The following AADAC variants were observed in gnomAD, a reference collection of about 807,000 sequenced individuals.
AADAC encodes arylacetamide deacetylase.
A neutral mutation model predicts 22.7 loss-of-function variants in AADAC; 17 were observed. That is an observed-to-expected ratio of 0.75 (90% confidence interval 0.51 to 1.12). The LOEUF is 1.12. Ranked by LOEUF, AADAC falls within the 50% of genes most tolerant of loss-of-function variation. The pLI is 0.00. For missense variants in AADAC, 465 were observed against 473.9 expected, an observed-to-expected ratio of 0.98 and a Z score of 0.17; for synonymous variants, 167 against 176.3, an observed-to-expected ratio of 0.95 and a Z score of 0.42.
Position 151,828,425 on chromosome 3 carries a change from A to T in AADAC, c.*253A>T, listed in dbSNP as rs1716600194. ...TTTAAAAAATATTACATTCTTGTATACTTTATTTTTGTGAGTTGGCTACTA... is the reference window on the plus strand; with the variant it reads ...TTTAAAAAATATTACATTCTTGTATTCTTTATTTTTGTGAGTTGGCTACTA... On this transcript the variant is annotated 3_prime_UTR_variant, in exon 5 of 5. Coordinates refer to ENST00000232892, the MANE Select transcript of AADAC (RefSeq NM_001086.3). 1 of 221,074 alleles carries T rather than the reference A, an allele frequency of 4.5e-6. No individual in the cohort carries two copies. Among genetic ancestry groups the T allele is most frequent in the Non-Finnish European group, 8.8e-6 (1 of 113,702 alleles). The allele number at this position is 221,074 out of a possible 1,614,324, so 13.7% of individuals were successfully genotyped here.
chr3:151,826,494 GT>G, intron 4 of AADAC, among the ~76,000 whole-genome samples: 1 of 151,974 alleles, frequency 6.6e-6, no homozygotes. Context: ...GATAATTATA[GT>G]TAAAATGTGG....
Position 151,827,852 on chromosome 3 carries a change from G to A in AADAC, c.880G>A (p.Gly294Arg), listed in dbSNP as rs752890596. 1.2e-6 allele frequency: 2 copies of A among 1,613,086 alleles called. No individual in the cohort carries two copies. The highest frequency in any genetic ancestry group is 1.7e-6 in the Non-Finnish European group (2 of 1,179,568). ...CCTGCTCCCTGAGAGGTTTATAAAAGGACATGTTTATAACAATCCAAATTA... is the reference window on the plus strand; with the variant it reads ...CCTGCTCCCTGAGAGGTTTATAAAAAGACATGTTTATAACAATCCAAATTA... ...SSLLPERFIK[G>R]HVYNNPNYGS... is the part of the protein sequence containing the mutation. Residue 294 changes from glycine (G) to arginine (R), a missense_variant, in exon 5 of 5, where the codon GGA (glycine) becomes AGA (arginine). Coordinates refer to ENST00000232892, the MANE Select transcript of AADAC (RefSeq NM_001086.3).
intron 3 of AADAC, 39 bp downstream of exon 3, chr3:151,820,491 G>T: frequency 3.4e-6 from 4 of 1,193,192 alleles, no homozygotes; most frequent in South Asian, 1.6e-5. Context: ...CCAGATGTCT[G>T]ACATGCCAAG....
intron 2 of AADAC, among the ~76,000 whole-genome samples, chr3:151,819,203 T>A (rs1377487532): frequency 6.6e-6 from 1 of 151,614 alleles, no homozygotes; most frequent in East Asian, 1.9e-4. Context: ...AATTGTTGGG[T>A]GAAGGAATAA....
chr3:151,827,468 AATAGATAGATAGATAAAAACAAG>A (rs1325957017), intron 4 of AADAC, 85 bp from the exon 5 acceptor site: 6 of 696,888 alleles, frequency 8.6e-6, no homozygotes, highest in Non-Finnish European at 1.2e-5. Context: ...TGAGATCATG[AATAGATAGATAGATAAAAACAAG>A]ATAGATAGAC....
chr3:151,820,696 T>TTTTTTTTTTTAGA (rs1448106031), intron 3 of AADAC, among the ~76,000 whole-genome samples: 2 of 91,038 alleles, frequency 2.2e-5, no homozygotes, highest in African/African-American at 3.9e-5. Context: ...TTTTTTATTT[T>TTTTTTTTTTTAGA]CGGTAGAGAT....
intron 3 of AADAC, among the ~76,000 whole-genome samples, chr3:151,823,281 G>C (rs7431347): frequency 0.16 from 24,455 of 148,436 alleles, 2,238 homozygotes; most frequent in African/African-American, 0.21. Flanking sequence ...CTGTCTCCCC[G>C]CAAAAAAAAA....
At position 151,817,502 on chromosome 3, in the gene AADAC, G is replaced by A. The variant is rs763916912; in HGVS notation, c.275G>A (p.Arg92Gln). The stretch of plus-strand genomic sequence containing the variant: ...ACAAAATTCAACAACATTCTTGTTC[G>A]GGTATATGTGCCAAAGAGAAAGTCT... Reference protein sequence around the residue: ...TETKFNNILVRVYVPKRKSEA... With the variant: ...TETKFNNILVQVYVPKRKSEA... Residue 92 changes from arginine to glutamine, a missense_variant, in exon 2 of 5, where the codon CGG becomes CAG. Arg to Gln is a conservative substitution (Grantham distance 43). Coordinates refer to ENST00000232892, the MANE Select transcript of AADAC (RefSeq NM_001086.3). 9.3e-6 allele frequency: 15 copies of A among 1,613,660 alleles called. No individual in the cohort carries two copies. Among genetic ancestry groups the A allele is most frequent in the Admixed American group, 5.0e-5 (3 of 59,980 alleles).
chr3:151,822,240 CA>C (rs1185526002), intron 3 of AADAC, among the ~76,000 whole-genome samples: 1 of 151,938 alleles, frequency 6.6e-6, no homozygotes, highest in African/African-American at 2.4e-5. Flanking sequence ...TGGGAATAAA[CA>C]CTTCGGCAGC....
chr3:151,826,053 A>G (rs184721515), intron 4 of AADAC, among the ~76,000 whole-genome samples: 278 of 152,048 alleles, frequency 1.8e-3, no homozygotes, highest in African/African-American at 5.9e-3. Context: ...TTCTACAGCA[A>G]TTTTAAAACA....
At chr3:151,815,084 T>C (rs1419159754) in intron 1 of AADAC, among the ~76,000 whole-genome samples, 2 of 152,056 alleles carry the variant, frequency 1.3e-5, no homozygotes, top group African/African-American at 4.8e-5. Flanking sequence ...ACAGTTGACA[T>C]TCTAGTGGTG....
rs1045204377 is a variant in AADAC at position 151,817,422 on chromosome 3, C to T, written c.195C>T (p.Val65=). 4 of 1,613,706 alleles carry T rather than the reference C, an allele frequency of 2.5e-6. No individual in the cohort carries two copies. The South Asian group carries it at 3.3e-5, about 13-fold the overall frequency. Residue 65 remains valine, a synonymous_variant, in exon 2 of 5, where the codon GTC becomes GTT. Transcript: ENST00000232892. ...LHHFMDSFKV[V]GSFDEVPPTS... is the part of the protein sequence containing the mutation. ...ATTTTATGGATTCCTTTAAGGTTGT[C>T]GGGAGCTTTGATGAAGTCCCACCAA...
At chr3:151,817,644 T>C in intron 2 of AADAC, 56 bp downstream of exon 2, 1 of 1,495,370 alleles carries the variant, frequency 6.7e-7, no homozygotes, top group Non-Finnish European at 9.3e-7. Flanking sequence ...GACATTTTAC[T>C]AAGTCTTCAG....
At chr3:151,823,370 C>T (rs1716335177) in intron 3 of AADAC, among the ~76,000 whole-genome samples, 1 of 151,692 alleles carries the variant, frequency 6.6e-6, no homozygotes, top group South Asian at 2.1e-4. Context: ...TGGGTATAGA[C>T]ATATGTATAC....
chr3:151,815,142 G>A (rs1392312336), intron 1 of AADAC, among the ~76,000 whole-genome samples: 4 of 152,132 alleles, frequency 2.6e-5, no homozygotes, highest in Non-Finnish European at 4.4e-5. Context: ...TTTAGTTCAT[G>A]AGAAGTACCT....
chr3:151,817,752 C>T (rs1390512911), intron 2 of AADAC, among the ~76,000 whole-genome samples, 164 bp downstream of exon 2: 3 of 152,080 alleles, frequency 2.0e-5, no homozygotes, highest in African/African-American at 4.8e-5. Flanking sequence ...CTTTATATCA[C>T]TCTTTTCCAC....
intron 3 of AADAC, among the ~76,000 whole-genome samples, chr3:151,822,692 G>C (rs1013482427): frequency 2.6e-5 from 4 of 151,966 alleles, no homozygotes; most frequent in Non-Finnish European, 2.9e-5. Context: ...CAAATGCATA[G>C]AGATAGAATG....
At chr3:151,823,924 A>T (rs574236459) in intron 3 of AADAC, among the ~76,000 whole-genome samples, 2 of 152,150 alleles carry the variant, frequency 1.3e-5, no homozygotes, top group South Asian at 2.1e-4. Flanking sequence ...AATTATTTAT[A>T]AGAACATTTA....
chr3:151,817,486 A>G lies in AADAC; in HGVS notation c.259A>G (p.Asn87Asp), dbSNP rs139404220. ...ENVTVTETKF[N>D]NILVRVYVPK... ...TGTCACTGTGACTGAGACAAAATTCAACAACATTCTTGTTCGGGTATATGT... is the reference window on the plus strand; with the variant it reads ...TGTCACTGTGACTGAGACAAAATTCGACAACATTCTTGTTCGGGTATATGT... The change falls in exon 2 of 5, where the codon AAC becomes GAC. Residue 87 changes from asparagine to aspartate, a missense_variant. Physicochemically the swap from Asn to Asp is conservative, Grantham distance 23. Coordinates refer to ENST00000232892, the MANE Select transcript of AADAC (RefSeq NM_001086.3). 3 of 1,613,730 alleles carry G rather than the reference A, an allele frequency of 1.9e-6. No homozygotes were observed. The African/African-American group carries it at 4.0e-5, about 22-fold the overall frequency.
Sources: allele counts gnomAD v4.1 joint callset (sites outside exome capture counted in the v4.1 genomes callset), GRCh38; gene constraint gnomAD v4.1.1; transcripts MANE v1.5; gene names NCBI Gene and HGNC (gene_info 2026-07-23, HGNC 2026-07-21).